Variants in PPFIA2 observed in about 807,000 individuals in gnomAD.
PPFIA2 encodes liprin-alpha-2.
In PPFIA2, 46 loss-of-function variants were observed where a neutral mutation model predicts 175.5. The observed-to-expected ratio is 0.26, with a 90% CI of 0.21 to 0.34. The LOEUF (loss-of-function observed/expected upper bound fraction) is 0.34. Among genes scored for constraint, PPFIA2 ranks in the 10% least tolerant of loss-of-function variants. The pLI is 1.00. For missense variants in PPFIA2, 1,179 were observed against 1,506.1 expected, an observed-to-expected ratio of 0.78 and a Z score of 3.60; for synonymous variants, 568 against 511.4, an observed-to-expected ratio of 1.11 and a Z score of -1.49.
rs567428649 is a variant in PPFIA2 at position 81,335,675 on chromosome 12, G to A, written c.2548+3505C>T. 1.1e-4 allele frequency among the ~76,000 whole-genome samples: 16 copies of A among 152,046 alleles called. No homozygotes were observed. In the South Asian group the frequency reaches 1.2e-3, roughly 12 times the overall value. Reference sequence around the variant, plus strand: ...AGGAGAATCATTTGAACTGGGAGGCGGAGGTTGCAGTGAGCCGAGATTGTG... The same window carrying A: ...AGGAGAATCATTTGAACTGGGAGGCAGAGGTTGCAGTGAGCCGAGATTGTG... On this transcript the variant is annotated intron_variant, in intron 21 of 32. Transcript: ENST00000549396.
Position 81,340,986 on chromosome 12 carries a change from A to C in PPFIA2, c.2393+92T>G, listed in dbSNP as rs936071918. On this transcript the variant is annotated intron_variant, in intron 20 of 32. Transcript: ENST00000549396. ...GGAGAATTCTGGCTCAAATAATGTA[A>C]ATTGTTAAGCAGTCTATTCGACAAC... 95 of 1,303,192 alleles carry C rather than the reference A, an allele frequency of 7.3e-5. No homozygotes were observed. The East Asian group carries it at 2.4e-3, about 33-fold the overall frequency. 80.7% of individuals were successfully genotyped at this position (1,303,192 alleles called of 1,614,324 possible).
intron 6 of PPFIA2, among the ~76,000 whole-genome samples, chr12:81,445,153 A>G (rs1390326799): frequency 7.4e-6 from 1 of 134,268 alleles, no homozygotes; most frequent in Admixed American, 8.7e-5. Context: ...CAAAATATAC[A>G]TAATTTTCAG....
At chr12:81,519,282 C>T (rs1328364190) in intron 4 of PPFIA2, among the ~76,000 whole-genome samples, 1 of 152,114 alleles carries the variant, frequency 6.6e-6, no homozygotes, top group African/African-American at 2.4e-5. Flanking sequence ...CAAATTGATT[C>T]TATTCTCCTC....
intron 4 of PPFIA2, among the ~76,000 whole-genome samples, chr12:81,513,455 G>A (rs1436239996): frequency 7.2e-5 from 11 of 152,032 alleles, no homozygotes; most frequent in Admixed American, 6.6e-4. Flanking sequence ...GCACCTGCAA[G>A]TTTACAGCAG....
intron 8 of PPFIA2, among the ~76,000 whole-genome samples, chr12:81,402,324 AC>A (rs1170460019): frequency 6.6e-6 from 1 of 150,684 alleles, no homozygotes; most frequent in African/African-American, 2.5e-5. Context: ...GTTTGAATAT[AC>A]CTTTTTAAAA....
chr12:81,513,288 T>C (rs975368381), intron 4 of PPFIA2, among the ~76,000 whole-genome samples: 3 of 151,986 alleles, frequency 2.0e-5, no homozygotes, highest in African/African-American at 7.2e-5. Flanking sequence ...GGGAACACTT[T>C]TACACTGCTG....
intron 4 of PPFIA2, among the ~76,000 whole-genome samples, chr12:81,645,190 AGAAG>A (rs898209332): frequency 2.7e-4 from 41 of 152,046 alleles, no homozygotes; most frequent in African/African-American, 5.1e-4. Flanking sequence ...AGGGAAAGAG[AGAAG>A]GAAGGAAGGA....
chr12:81,390,422 A>G (rs2039905281), intron 8 of PPFIA2, among the ~76,000 whole-genome samples: 1 of 152,158 alleles, frequency 6.6e-6, no homozygotes, highest in Admixed American at 6.6e-5. Flanking sequence ...AATTTTCCAC[A>G]TCTTCACCAA....
intron 4 of PPFIA2, among the ~76,000 whole-genome samples, chr12:81,658,734 G>A (rs930006222): frequency 6.6e-6 from 1 of 151,764 alleles, no homozygotes; most frequent in Non-Finnish European, 1.5e-5. Context: ...ATGTTTAAGG[G>A]TTGTATATAA....
At chr12:81,296,313 T>C (rs2046424052) in intron 23 of PPFIA2, among the ~76,000 whole-genome samples, 1 of 152,142 alleles carries the variant, frequency 6.6e-6, no homozygotes, top group African/African-American at 2.4e-5. Flanking sequence ...AGTGAAACTC[T>C]GTCTCAAAAA....
intron 3 of PPFIA2, among the ~76,000 whole-genome samples, chr12:81,695,548 C>T (rs2075800035): frequency 6.6e-6 from 1 of 152,130 alleles, no homozygotes; most frequent in East Asian, 1.9e-4. Flanking sequence ...GTAAAACCTA[C>T]AAAACTGTGA....
At chr12:81,593,042 G>C (rs2058850476) in intron 4 of PPFIA2, among the ~76,000 whole-genome samples, 1 of 151,774 alleles carries the variant, frequency 6.6e-6, no homozygotes, top group East Asian at 1.9e-4. Flanking sequence ...ACAGGCATGA[G>C]CCACCATGCC....
chr12:81,431,656 C>CT (rs2048115978), intron 7 of PPFIA2, among the ~76,000 whole-genome samples: 3 of 152,146 alleles, frequency 2.0e-5, no homozygotes, highest in African/African-American at 7.2e-5. Flanking sequence ...CTGACACTGT[C>CT]CCCTTGATTC....
At chr12:81,260,463 A>G in intron 32 of PPFIA2, 1 of 152,188 alleles carries the variant, frequency 6.6e-6, no homozygotes, top group Non-Finnish European at 1.5e-5. Flanking sequence ...AAGAAATTAT[A>G]ATGCTATGTG....
chr12:81,332,590 G>A (rs2056346569), intron 21 of PPFIA2, among the ~76,000 whole-genome samples: 1 of 152,020 alleles, frequency 6.6e-6, no homozygotes, highest in African/African-American at 2.4e-5. Context: ...ATTTTTTATT[G>A]TTGCCTTGAG....
rs561121871 is a variant in PPFIA2 at position 81,673,931 on chromosome 12, A to G, written c.303+2860T>C. On this transcript the variant is annotated intron_variant, in intron 4 of 32. Transcript: ENST00000549396. ...TTCAATAAAATCTATTGAATTTTCAATAAAATCTATTTAACACTTATTGTT... is the reference window on the plus strand; with the variant it reads ...TTCAATAAAATCTATTGAATTTTCAGTAAAATCTATTTAACACTTATTGTT... Among the ~76,000 whole-genome samples the G allele has an allele frequency of 8.5e-5, 13 of 152,176 alleles. No individual in the cohort carries two copies. In the East Asian group the frequency reaches 2.1e-3, roughly 25 times the overall value.
chr12:81,652,989 C>T (rs2153534914), intron 4 of PPFIA2, among the ~76,000 whole-genome samples: 1 of 152,152 alleles, frequency 6.6e-6, no homozygotes, highest in South Asian at 2.1e-4. Flanking sequence ...TCCAACCCAT[C>T]AGCAAGTCCC....
intron 4 of PPFIA2, among the ~76,000 whole-genome samples, chr12:81,482,687 TGAG>T (rs1380495937): frequency 6.6e-6 from 1 of 151,996 alleles, no homozygotes; most frequent in Non-Finnish European, 1.5e-5. Context: ...AGCTGAACAA[TGAG>T]AACACATGGA....
chr12:81,418,007 G>T (rs1448450157), intron 7 of PPFIA2, among the ~76,000 whole-genome samples: 1 of 151,724 alleles, frequency 6.6e-6, no homozygotes, highest in Non-Finnish European at 1.5e-5. Flanking sequence ...TTTACTGAAA[G>T]ACTCTTTATG....
Sources: allele counts gnomAD v4.1 joint callset (sites outside exome capture counted in the v4.1 genomes callset), GRCh38; gene constraint gnomAD v4.1.1; transcripts MANE v1.5; gene names NCBI Gene and HGNC (gene_info 2026-07-23, HGNC 2026-07-21).